The following SMAD3 variants were observed in gnomAD, a reference collection of about 807,000 sequenced individuals.
The protein encoded by SMAD3 is SMAD family member 3.
A neutral mutation model predicts 51.8 loss-of-function variants in SMAD3; 12 were observed. The ratio of observed to expected loss-of-function variants is 0.23; its 90% CI spans 0.15 to 0.38. The LOEUF (loss-of-function observed/expected upper bound fraction) is 0.38, where lower values mean the gene tolerates loss of function less well. SMAD3 is among the 10% of genes least tolerant of loss of function. SMAD3 has a pLI of 1.00. For missense variants in SMAD3, 294 were observed against 565.6 expected (o/e 0.52, Z 4.87); for synonymous variants, 238 against 227.7 (o/e 1.05, Z -0.41).
chr15:67,174,706 G>A (rs1241183409), intron 5 of SMAD3: 2 of 152,244 alleles, frequency 1.3e-5, no homozygotes, highest in African/African-American at 4.8e-5. Flanking sequence ...ATGGAGGCAA[G>A]CACACAGGGA....
intron 1 of SMAD3, among the ~76,000 whole-genome samples, chr15:67,149,156 C>G (rs1205055612): frequency 6.6e-6 from 1 of 152,226 alleles, no homozygotes; most frequent in African/African-American, 2.4e-5. Flanking sequence ...CCTCCAAGGG[C>G]TCTGTCCCCA....
At chr15:67,082,586 T>C (rs1960300982) in intron 1 of SMAD3, among the ~76,000 whole-genome samples, 1 of 152,210 alleles carries the variant, frequency 6.6e-6, no homozygotes, top group Non-Finnish European at 1.5e-5. Flanking sequence ...AGCATATATA[T>C]AGGAAGACAT....
intron 6 of SMAD3, among the ~76,000 whole-genome samples, chr15:67,183,522 T>C (rs35779650): frequency 0.04 from 6,118 of 151,786 alleles, 210 homozygotes; most frequent in South Asian, 0.18. Context: ...TGGGGAGTGG[T>C]TGGAGGAAGG....
intron 1 of SMAD3, among the ~76,000 whole-genome samples, chr15:67,164,312 C>A (rs148467757): frequency 3.0e-5 from 2 of 66,888 alleles, no homozygotes; most frequent in Non-Finnish European, 2.7e-5. Flanking sequence ...GAGACTCCGT[C>A]TCAGAAAAAA....
At chr15:67,074,934 CAG>C (rs1477354521) in intron 1 of SMAD3, among the ~76,000 whole-genome samples, 2 of 152,154 alleles carry the variant, frequency 1.3e-5, no homozygotes, top group Non-Finnish European at 2.9e-5. Context: ...TTGAAACCTA[CAG>C]AGTTATGAAT....
At chr15:67,176,209 G>T (rs1267552495) in intron 5 of SMAD3, among the ~76,000 whole-genome samples, 1 of 152,144 alleles carries the variant, frequency 6.6e-6, no homozygotes, top group Non-Finnish European at 1.5e-5. Context: ...ACAGTTTCTG[G>T]GACACAAGGT....
chr15:67,109,953 A>T (rs1960975730), intron 1 of SMAD3, among the ~76,000 whole-genome samples: 1 of 152,162 alleles, frequency 6.6e-6, no homozygotes, highest in Admixed American at 6.5e-5. Context: ...TCAGCGGGGG[A>T]AACCAACTCA....
intron 5 of SMAD3, among the ~76,000 whole-genome samples, chr15:67,175,450 A>T (rs1476832842): frequency 6.6e-6 from 1 of 151,984 alleles, no homozygotes; most frequent in Non-Finnish European, 1.5e-5. Flanking sequence ...GACTAGGATG[A>T]TGGGATGTTT....
intron 1 of SMAD3, among the ~76,000 whole-genome samples, chr15:67,160,867 C>G (rs1962413664): frequency 6.9e-6 from 1 of 145,280 alleles, no homozygotes; most frequent in Non-Finnish European, 1.5e-5. Context: ...GGTCTATTAT[C>G]AAATATACGC....
chr15:67,138,785 C>T (rs1437100090), intron 1 of SMAD3, among the ~76,000 whole-genome samples: 1 of 152,140 alleles, frequency 6.6e-6, no homozygotes, highest in African/African-American at 2.4e-5. Context: ...TATAAATACC[C>T]CTCACCTCCT....
chr15:67,086,991 G>T (rs1960408191), intron 1 of SMAD3, among the ~76,000 whole-genome samples: 1 of 151,678 alleles, frequency 6.6e-6, no homozygotes, highest in South Asian at 2.1e-4. Context: ...CACCTCCCAG[G>T]TTCAAGCGAT....
chr15:67,193,618 T>C lies in SMAD3; in HGVS notation c.*3082T>C, dbSNP rs940410047. 16 of 233,514 alleles carry C rather than the reference T, an allele frequency of 6.9e-5. No individual in the cohort carries two copies. The highest frequency in any genetic ancestry group is 1.3e-3 in the Middle Eastern group (1 of 784). 14.5% of individuals were successfully genotyped at this position (233,514 alleles called of 1,614,324 possible). On this transcript the variant is annotated 3_prime_UTR_variant, in exon 9 of 9. Transcript: ENST00000327367. Reference sequence around the variant, plus strand: ...CTAGAGGAGTCAGGAGCAGGGACTTTGACTCTTAGGAAGAGCACACATGAG... The same window carrying C: ...CTAGAGGAGTCAGGAGCAGGGACTTCGACTCTTAGGAAGAGCACACATGAG...
chr15:67,161,113 G>T (rs1395275090), intron 1 of SMAD3, among the ~76,000 whole-genome samples: 1 of 152,104 alleles, frequency 6.6e-6, no homozygotes, highest in Non-Finnish European at 1.5e-5. Context: ...TTTGTATAGG[G>T]TTACAATGTG....
At chr15:67,166,407 C>T in intron 3 of SMAD3, 1 of 406,068 alleles carries the variant, frequency 2.5e-6, no homozygotes, top group Non-Finnish European at 4.7e-6. Context: ...TCTGAGCCTG[C>T]AGATCTTCAG....
chr15:67,187,524 C>T lies in SMAD3; in HGVS notation c.1154+15C>T, dbSNP rs2140323869. On this transcript the variant is annotated intron_variant, in intron 8 of 8. Transcript: ENST00000327367. ...GCGGAGTACAGGTCAGTTATGGGTGCTGCCTACATCAGGGGACCCAACTCC... is the reference window on the plus strand; with the variant it reads ...GCGGAGTACAGGTCAGTTATGGGTGTTGCCTACATCAGGGGACCCAACTCC... The T allele has an allele frequency of 6.2e-7, 1 of 1,614,116 alleles. No homozygotes were observed. Among genetic ancestry groups the T allele is most frequent in the Non-Finnish European group, 8.5e-7 (1 of 1,179,990 alleles).
At chr15:67,182,980 T>C (rs1172605943) in intron 6 of SMAD3, among the ~76,000 whole-genome samples, 3 of 86,440 alleles carry the variant, frequency 3.5e-5, no homozygotes, top group Admixed American at 2.7e-4. Flanking sequence ...TTTTTCTATA[T>C]TTTATTAAAA....
chr15:67,112,171 CAG>C (rs1184914655), intron 1 of SMAD3, among the ~76,000 whole-genome samples: 5 of 2,998 alleles, frequency 1.7e-3, no homozygotes, highest in African/African-American at 4.7e-3. Flanking sequence ...TTTTTTGAGA[CAG>C]AGTTTTGCTC....
chr15:67,131,462 T>A (rs1295357747), intron 1 of SMAD3, among the ~76,000 whole-genome samples: 1 of 152,218 alleles, frequency 6.6e-6, no homozygotes, highest in Non-Finnish European at 1.5e-5. Flanking sequence ...GTTTGTTTTG[T>A]TTTACTTTTA....
At chr15:67,075,162 A>AT (rs1960142078) in intron 1 of SMAD3, among the ~76,000 whole-genome samples, 2 of 152,216 alleles carry the variant, frequency 1.3e-5, no homozygotes, top group Admixed American at 1.3e-4. Flanking sequence ...CTAAGCCCAA[A>AT]TGTGGAGTAA....
Sources: gnomAD v4.1 joint callset for allele counts (sites outside exome capture counted in the v4.1 genomes callset) on GRCh38, gnomAD v4.1.1 for gene constraint, MANE v1.5 for transcripts, NCBI Gene and HGNC (gene_info 2026-07-23, HGNC 2026-07-21) for gene names.